The following GALNTL6 variants were observed in gnomAD, a reference collection of about 807,000 sequenced individuals.
The protein encoded by GALNTL6 is polypeptide N-acetylgalactosaminyltransferase-like 6.
Under a neutral mutation model 73.7 loss-of-function variants are expected in GALNTL6, and 46 were observed. The observed-to-expected ratio is 0.62, with a 90% CI of 0.49 to 0.80. GALNTL6 has a LOEUF of 0.80. Among genes scored for constraint, GALNTL6 ranks in the 30% least tolerant of loss-of-function variants. GALNTL6 has a pLI of 0.00. For missense variants in GALNTL6, 604 were observed against 755.0 expected (o/e 0.80, Z 2.34); for synonymous variants, 259 against 263.7 (o/e 0.98, Z 0.17).
At chr4:172,090,310 C>G (rs1390041510) in intron 2 of GALNTL6, among the ~76,000 whole-genome samples, 1 of 152,178 alleles carries the variant, frequency 6.6e-6, no homozygotes, top group East Asian at 1.9e-4. Context: ...AATTTACACT[C>G]CCACTAACAG....
intron 10 of GALNTL6, among the ~76,000 whole-genome samples, chr4:172,953,785 T>C (rs1462652315): frequency 6.6e-6 from 1 of 152,264 alleles, no homozygotes; most frequent in East Asian, 1.9e-4. Context: ...TAATTCAAGT[T>C]ATTAATTTGG....
intron 5 of GALNTL6, among the ~76,000 whole-genome samples, chr4:172,445,240 A>G (rs1165043508): frequency 6.6e-6 from 1 of 152,160 alleles, no homozygotes; most frequent in Non-Finnish European, 1.5e-5. Flanking sequence ...TGATAACGCT[A>G]TGTCATTACA....
chr4:172,064,025 A>G (rs773458906), intron 2 of GALNTL6, among the ~76,000 whole-genome samples: 1 of 152,124 alleles, frequency 6.6e-6, no homozygotes, highest in Non-Finnish European at 1.5e-5. Context: ...TTCATTGACT[A>G]GTTTATATAA....
At position 171,817,992 on chromosome 4, in the gene GALNTL6, G is replaced by A. The variant is rs60576799; in HGVS notation, c.138+3274G>A. Among the ~76,000 whole-genome samples the A allele has an allele frequency of 4.8e-3, 726 of 151,320 alleles. 10 individuals carry two copies. Among genetic ancestry groups the A allele is most frequent in the African/African-American group, 0.016 (681 of 41,434 alleles). On this transcript the variant is annotated intron_variant, in intron 2 of 12. Coordinates refer to ENST00000506823, the MANE Select transcript of GALNTL6 (RefSeq NM_001034845.3). ...TAATTTTGTCTTTTTTTGTTATTGGGATGATATAAGTATCTCCTTTATGTC... is the reference window on the plus strand; with the variant it reads ...TAATTTTGTCTTTTTTTGTTATTGGAATGATATAAGTATCTCCTTTATGTC...
Position 173,002,130 on chromosome 4 carries a change from G to A in GALNTL6, c.1372-7048G>A, listed in dbSNP as rs199994825. On this transcript the variant is annotated intron_variant, in intron 10 of 12. Transcript: ENST00000506823. ...AAACAGGCCAGGAGCAGTGGCTCAC[G>A]CCTGTAATCCCAGCACTTTGGGAGG... Among the ~76,000 whole-genome samples the A allele has an allele frequency of 1.1e-4, 17 of 152,274 alleles. No individual in the cohort carries two copies. In the East Asian group the frequency reaches 1.5e-3, roughly 14 times the overall value.
At chr4:173,025,243 G>T (rs1157500509) in intron 12 of GALNTL6, among the ~76,000 whole-genome samples, 1 of 152,152 alleles carries the variant, frequency 6.6e-6, no homozygotes, top group East Asian at 1.9e-4. Flanking sequence ...TCCTGTTCCT[G>T]GTTTTCTTTT....
At chr4:172,296,308 A>G (rs182333013) in intron 3 of GALNTL6, among the ~76,000 whole-genome samples, 1 of 152,306 alleles carries the variant, frequency 6.6e-6, no homozygotes, top group African/African-American at 2.4e-5. Context: ...TATTTTTGGA[A>G]TAAATCTCTA....
chr4:172,301,989 G>A (rs1472315923), intron 3 of GALNTL6, among the ~76,000 whole-genome samples: 1 of 152,206 alleles, frequency 6.6e-6, no homozygotes, highest in Non-Finnish European at 1.5e-5. Flanking sequence ...GAGGCAGGCA[G>A]GCCTCCTTGA....
intron 5 of GALNTL6, among the ~76,000 whole-genome samples, chr4:172,349,504 T>C (rs1276993460): frequency 6.6e-6 from 1 of 152,168 alleles, no homozygotes; most frequent in Non-Finnish European, 1.5e-5. Context: ...TAATTGAAGT[T>C]AATTTGAAGT....
intron 5 of GALNTL6, among the ~76,000 whole-genome samples, chr4:172,711,205 T>G (rs1166790279): frequency 6.6e-6 from 1 of 152,116 alleles, no homozygotes; most frequent in East Asian, 1.9e-4. Context: ...ACCTAATTGT[T>G]GTATGGTTGT....
At position 173,011,774 on chromosome 4, in the gene GALNTL6, GT is replaced by G. The variant is rs200689425; in HGVS notation, c.1488+2483del. 6.4e-4 allele frequency among the ~76,000 whole-genome samples: 98 copies of G among 152,320 alleles called. No homozygotes were observed. The East Asian group carries it at 0.014, about 22-fold the overall frequency. On this transcript the variant is annotated intron_variant, in intron 11 of 12. Transcript: ENST00000506823. ...TTGAAAAACATTTCATTGCAACTCA[GT>G]TTAAGTGAGATGTGATTTCTAACCC...
At chr4:172,301,061 C>T (rs368822483) in intron 3 of GALNTL6, among the ~76,000 whole-genome samples, 71 of 152,150 alleles carry the variant, frequency 4.7e-4, no homozygotes, top group Non-Finnish European at 7.6e-4. Context: ...AGGCTTTGTT[C>T]GTTTCTTTTT....
intron 2 of GALNTL6, among the ~76,000 whole-genome samples, chr4:171,885,917 G>A (rs1439334926): frequency 6.6e-6 from 1 of 152,032 alleles, no homozygotes; most frequent in Non-Finnish European, 1.5e-5. Flanking sequence ...TCTTTGGAGT[G>A]CATATAACAT....
chr4:172,669,980 T>C (rs187796735), intron 5 of GALNTL6, among the ~76,000 whole-genome samples: 16 of 152,334 alleles, frequency 1.1e-4, no homozygotes, highest in African/African-American at 2.9e-4. Flanking sequence ...GCTCTATCCA[T>C]GTCCCTCCAA....
At chr4:172,761,669 TTCTCTC>T (rs33989573) in intron 5 of GALNTL6, among the ~76,000 whole-genome samples, 9 of 147,282 alleles carry the variant, frequency 6.1e-5, no homozygotes, top group East Asian at 6.1e-4. Context: ...CTTGCTCTCT[TTCTCTC>T]TCTCTCTCTC....
chr4:172,260,737 G>T (rs978690827), intron 3 of GALNTL6, among the ~76,000 whole-genome samples: 2 of 151,450 alleles, frequency 1.3e-5, no homozygotes, highest in Non-Finnish European at 3.0e-5. Context: ...GTTGGCCATG[G>T]GTTTGTCTTA....
At chr4:172,195,988 A>G (rs1280501048) in intron 2 of GALNTL6, among the ~76,000 whole-genome samples, 2 of 150,248 alleles carry the variant, frequency 1.3e-5, no homozygotes, top group Admixed American at 6.7e-5. Context: ...CAAAAAAATA[A>G]ATGAATCCAG....
chr4:172,368,070 A>G (rs1460410439), intron 5 of GALNTL6, among the ~76,000 whole-genome samples: 1 of 152,242 alleles, frequency 6.6e-6, no homozygotes, highest in East Asian at 1.9e-4. Context: ...AATAGTATCT[A>G]TAAATACTTA....
At chr4:172,143,151 A>G (rs146670964) in intron 2 of GALNTL6, among the ~76,000 whole-genome samples, 1 of 152,094 alleles carries the variant, frequency 6.6e-6, no homozygotes, top group African/African-American at 2.4e-5. Flanking sequence ...GTCCAAATCT[A>G]CTTAGGTGGT....
Sources: gnomAD v4.1 joint callset for allele counts (sites outside exome capture counted in the v4.1 genomes callset) on GRCh38, gnomAD v4.1.1 for gene constraint, MANE v1.5 for transcripts, NCBI Gene and HGNC (gene_info 2026-07-23, HGNC 2026-07-21) for gene names.